Variants in KCND2 observed in about 807,000 individuals in gnomAD.
KCND2 encodes the protein potassium voltage-gated channel subfamily D member 2, also known as A-type voltage-gated potassium channel KCND2.
A neutral mutation model predicts 54.4 loss-of-function variants in KCND2; 16 were observed. That is an observed-to-expected ratio of 0.29 (90% CI 0.20 to 0.45). KCND2 has a LOEUF of 0.45. Ranked by LOEUF, KCND2 falls within the 20% of genes least tolerant of loss-of-function variation. KCND2 has a pLI of 1.00. For missense variants in KCND2, 486 were observed against 824.2 expected (o/e 0.59, Z 5.02); for synonymous variants, 317 against 310.7 (o/e 1.02, Z -0.21).
Position 120,591,747 on chromosome 7 carries a change from A to G in KCND2, c.1116-141156A>G, listed in dbSNP as rs138575288. On this transcript the variant is annotated intron_variant, in intron 1 of 5. Coordinates refer to ENST00000331113, the MANE Select transcript of KCND2 (RefSeq NM_012281.3). ...AGTCTCTGAGCCTCCCCATTCCTCA[A>G]TCTTCTCACAAGCTTGTGAAGAAGG... is the stretch of plus-strand genomic sequence containing the variant. Among the ~76,000 whole-genome samples the G allele has an allele frequency of 6.3e-4, 96 of 152,278 alleles. 1 individual carries two copies. The East Asian group carries it at 0.016, about 25-fold the overall frequency.
chr7:120,653,686 T>TCAGCATC (rs1236636336), intron 1 of KCND2, among the ~76,000 whole-genome samples: 4 of 152,216 alleles, frequency 2.6e-5, no homozygotes, highest in Admixed American at 6.5e-5. Context: ...GAGATGTTGT[T>TCAGCATC]CAGCATCCAT....
chr7:120,681,381 G>T (rs1354993709), intron 1 of KCND2, among the ~76,000 whole-genome samples: 1 of 152,016 alleles, frequency 6.6e-6, no homozygotes, highest in East Asian at 1.9e-4. Context: ...TGATTTTGAT[G>T]GAGGAATGGG....
chr7:120,454,662 CA>C (rs1186446378), intron 1 of KCND2, among the ~76,000 whole-genome samples: 1 of 151,822 alleles, frequency 6.6e-6, no homozygotes, highest in East Asian at 1.9e-4. Context: ...GAAACTGTTC[CA>C]AAAATTGAGA....
At chr7:120,435,091 T>TTTTATTTA (rs58887227) in intron 1 of KCND2, among the ~76,000 whole-genome samples, 224 of 149,320 alleles carry the variant, frequency 1.5e-3, no homozygotes, top group East Asian at 4.8e-3. Flanking sequence ...AAACAATAAA[T>TTTTATTTA]TTTATTTATT....
intron 1 of KCND2, among the ~76,000 whole-genome samples, chr7:120,393,058 T>A (rs1300838502): frequency 6.6e-6 from 1 of 152,020 alleles, no homozygotes; most frequent in Admixed American, 6.6e-5. Flanking sequence ...TAAAAGTTAA[T>A]AAAATTTGAT....
At chr7:120,465,998 A>C (rs1450937824) in intron 1 of KCND2, among the ~76,000 whole-genome samples, 1 of 152,166 alleles carries the variant, frequency 6.6e-6, no homozygotes, top group Non-Finnish European at 1.5e-5. Flanking sequence ...GCCAGTGGCA[A>C]CACTATTGAC....
At chr7:120,540,160 A>G (rs1284854531) in intron 1 of KCND2, among the ~76,000 whole-genome samples, 2 of 152,128 alleles carry the variant, frequency 1.3e-5, no homozygotes, top group Admixed American at 6.5e-5. Context: ...TGACCTCCCA[A>G]TCTTGTTGGG....
At chr7:120,694,717 A>G (rs1792313381) in intron 1 of KCND2, among the ~76,000 whole-genome samples, 1 of 152,138 alleles carries the variant, frequency 6.6e-6, no homozygotes, top group South Asian at 2.1e-4. Context: ...CTGTACTGGT[A>G]AACTGGCTAA....
At chr7:120,394,986 A>G (rs1563032084) in intron 1 of KCND2, among the ~76,000 whole-genome samples, 1 of 152,034 alleles carries the variant, frequency 6.6e-6, no homozygotes, top group Non-Finnish European at 1.5e-5. Flanking sequence ...ATACCACTCT[A>G]TACCATTCAA....
chr7:120,748,514 G>A lies in KCND2; in HGVS notation c.*656G>A, dbSNP rs550635975. 12 of 152,560 alleles carry A rather than the reference G, an allele frequency of 7.9e-5. No homozygotes were observed. Among genetic ancestry groups the A allele is most frequent in the African/African-American group, 2.9e-4 (12 of 41,516 alleles). The allele number at this position is 152,560 out of a possible 1,614,324, so 9.5% of individuals were successfully genotyped here. ...TTTAGACCTGCAGTATTTCTCATGG[G>A]GATGCTCATTAGTAAATCTAAAGTG... On this transcript the variant is annotated 3_prime_UTR_variant, in exon 6 of 6. Transcript: ENST00000331113.
intron 1 of KCND2, among the ~76,000 whole-genome samples, chr7:120,425,596 G>A (rs1801695767): frequency 6.6e-6 from 1 of 152,186 alleles, no homozygotes; most frequent in Non-Finnish European, 1.5e-5. Context: ...CCAAGCTGAA[G>A]GTCTCTCGCA....
At chr7:120,453,476 C>T (rs1802147249) in intron 1 of KCND2, among the ~76,000 whole-genome samples, 1 of 152,202 alleles carries the variant, frequency 6.6e-6, no homozygotes, top group Non-Finnish European at 1.5e-5. Context: ...CCACCCAATC[C>T]TGCACTGCCA....
At chr7:120,324,324 T>C (rs1270910553) in intron 1 of KCND2, among the ~76,000 whole-genome samples, 2 of 149,150 alleles carry the variant, frequency 1.3e-5, no homozygotes, top group Admixed American at 1.3e-4. Flanking sequence ...TTTGTCAATT[T>C]TGGCTTTTGT....
intron 1 of KCND2, among the ~76,000 whole-genome samples, chr7:120,613,479 C>T (rs908123733): frequency 2.0e-5 from 3 of 152,148 alleles, no homozygotes; most frequent in South Asian, 2.1e-4. Context: ...TGCTGTGGGC[C>T]GAGATTGCGC....
At chr7:120,458,012 G>A (rs969827075) in intron 1 of KCND2, among the ~76,000 whole-genome samples, 9 of 152,152 alleles carry the variant, frequency 5.9e-5, no homozygotes, top group African/African-American at 2.2e-4. Flanking sequence ...GCAGCAAGGA[G>A]AAGTTCAGAG....
chr7:120,431,493 G>A (rs1045561472), intron 1 of KCND2, among the ~76,000 whole-genome samples: 7 of 152,148 alleles, frequency 4.6e-5, no homozygotes, highest in Non-Finnish European at 1.0e-4. Flanking sequence ...GTGAAGGTGG[G>A]CTTGCTGAAA....
intron 1 of KCND2, among the ~76,000 whole-genome samples, chr7:120,502,984 A>G (rs2116319460): frequency 6.6e-6 from 1 of 152,202 alleles, no homozygotes; most frequent in South Asian, 2.1e-4. Flanking sequence ...AAGTAGGTAA[A>G]AGGAAACTGG....
At chr7:120,428,862 A>G (rs533292915) in intron 1 of KCND2, among the ~76,000 whole-genome samples, 1 of 152,222 alleles carries the variant, frequency 6.6e-6, no homozygotes, top group African/African-American at 2.4e-5. Context: ...GATAAAATAC[A>G]TAAATACCCC....
chr7:120,309,929 C>A (rs1799712884), intron 1 of KCND2, among the ~76,000 whole-genome samples: 1 of 152,200 alleles, frequency 6.6e-6, no homozygotes, highest in East Asian at 1.9e-4. Context: ...TTTACACACA[C>A]TGTTCCTTCT....
Sources: gnomAD v4.1 joint callset for allele counts (sites outside exome capture counted in the v4.1 genomes callset) on GRCh38, gnomAD v4.1.1 for gene constraint, MANE v1.5 for transcripts, NCBI Gene and HGNC (gene_info 2026-07-23, HGNC 2026-07-21) for gene names.